The following TBXAS1 variants were observed in gnomAD, a reference collection of about 807,000 sequenced individuals.
TBXAS1 encodes the protein thromboxane-A synthase.
A neutral mutation model predicts 60.7 loss-of-function variants in TBXAS1; 48 were observed. The observed-to-expected ratio is 0.79, with a 90% CI of 0.63 to 1.01. The LOEUF (loss-of-function observed/expected upper bound fraction) is 1.01, where lower values mean the gene tolerates loss of function less well. Among genes scored for constraint, TBXAS1 ranks in the 50% least tolerant of loss-of-function variants. The pLI is 0.00. For missense variants in TBXAS1, 685 were observed against 686.3 expected, an observed-to-expected ratio of 1.00 and a Z score of 0.02; for synonymous variants, 287 against 269.7, an observed-to-expected ratio of 1.06 and a Z score of -0.63.
intron 1 of TBXAS1, among the ~76,000 whole-genome samples, chr7:139,858,910 C>T (rs989835107): frequency 6.6e-6 from 1 of 151,920 alleles, no homozygotes; most frequent in East Asian, 1.9e-4. Flanking sequence ...CTCTCGTTGC[C>T]CAGGCTGGAG....
chr7:139,904,066 T>C (rs1804784186), intron 3 of TBXAS1, among the ~76,000 whole-genome samples: 1 of 152,122 alleles, frequency 6.6e-6, no homozygotes, highest in African/African-American at 2.4e-5. Flanking sequence ...TATTATCTTC[T>C]AGAATTTTTA....
intron 9 of TBXAS1, among the ~76,000 whole-genome samples, chr7:139,997,964 G>C (rs1813408942): frequency 6.6e-6 from 1 of 152,106 alleles, no homozygotes; most frequent in Non-Finnish European, 1.5e-5. Flanking sequence ...CCCCAACCTG[G>C]GAACAACTCA....
In TBXAS1 at chr7:139,942,043, G is replaced by A. The variant is rs192708650; in HGVS notation, c.450+5736G>A. On this transcript the variant is annotated intron_variant, in intron 5 of 12. Transcript: ENST00000448866. ...TAAATCAATAGGAATAACTTTCTGA[G>A]ACTCTTGTAAGATTGCATAAGTCAG... Among the ~76,000 whole-genome samples the A allele has an allele frequency of 5.1e-4, 77 of 152,294 alleles. No individual in the cohort carries two copies. The Middle Eastern group carries it at 0.024, about 47-fold the overall frequency.
intron 2 of TBXAS1, among the ~76,000 whole-genome samples, chr7:139,781,199 T>C (rs904430284): frequency 6.6e-6 from 1 of 152,196 alleles, no homozygotes; most frequent in African/African-American, 2.4e-5. Flanking sequence ...TCGTATGATA[T>C]AACGGAAAAA....
intron 9 of TBXAS1, among the ~76,000 whole-genome samples, chr7:140,001,022 C>T (rs1417889602): frequency 6.6e-6 from 1 of 152,192 alleles, no homozygotes; most frequent in Admixed American, 6.5e-5. Context: ...TGACGACTGG[C>T]CCAAGGCCAT....
At chr7:140,005,804 T>C (rs1814033171) in intron 9 of TBXAS1, among the ~76,000 whole-genome samples, 2 of 152,222 alleles carry the variant, frequency 1.3e-5, no homozygotes, top group South Asian at 4.1e-4. Flanking sequence ...TATGTCATCA[T>C]AGATTAGCTA....
intron 1 of TBXAS1, among the ~76,000 whole-genome samples, chr7:139,863,367 AT>A (rs932720579): frequency 2.6e-5 from 4 of 151,956 alleles, no homozygotes; most frequent in African/African-American, 9.7e-5. Flanking sequence ...GTAGTCTTCT[AT>A]TTTTTTTCCA....
intron 9 of TBXAS1, among the ~76,000 whole-genome samples, chr7:139,980,435 T>A (rs1309121310): frequency 6.6e-6 from 1 of 152,140 alleles, no homozygotes; most frequent in Non-Finnish European, 1.5e-5. Flanking sequence ...TGGTTACACA[T>A]TTCCAGAAAC....
At chr7:139,978,775 C>CAAAAAAAAAAAAAAAAAAAA (rs35583867) in intron 9 of TBXAS1, among the ~76,000 whole-genome samples, 1 of 90,990 alleles carries the variant, frequency 1.1e-5, no homozygotes, top group Non-Finnish European at 2.3e-5. Flanking sequence ...CCTGCCTCTA[C>CAAAAAAAAAAAAAAAAAAAA]AAAAAAAAAA....
intron 3 of TBXAS1, among the ~76,000 whole-genome samples, chr7:139,881,463 T>TC (rs1569506946): frequency 1.3e-5 from 2 of 151,420 alleles, no homozygotes; most frequent in African/African-American, 2.4e-5. Context: ...TTTCCCCCCC[T>TC]CCAGGAGGGT....
At chr7:139,849,762 C>T (rs962939995) in intron 1 of TBXAS1, among the ~76,000 whole-genome samples, 5 of 152,186 alleles carry the variant, frequency 3.3e-5, no homozygotes, top group Non-Finnish European at 5.9e-5. Flanking sequence ...GTCTGAAGTT[C>T]AGAAGACCAG....
At chr7:139,857,191 G>A (rs1016827543) in intron 1 of TBXAS1, among the ~76,000 whole-genome samples, 1 of 152,188 alleles carries the variant, frequency 6.6e-6, no homozygotes. Context: ...CTGTCTTTGG[G>A]CTTCCGTGGG....
At chr7:139,873,558 C>G (rs73734133) in intron 2 of TBXAS1, among the ~76,000 whole-genome samples, 95 of 152,104 alleles carry the variant, frequency 6.2e-4, no homozygotes, top group African/African-American at 2.1e-3. Context: ...CAAACATAAG[C>G]CTAAGCTTTG....
At chr7:139,941,461 A>G (rs1412432954) in intron 5 of TBXAS1, among the ~76,000 whole-genome samples, 1 of 151,618 alleles carries the variant, frequency 6.6e-6, no homozygotes, top group Non-Finnish European at 1.5e-5. Context: ...ATGTCATACC[A>G]GGGATAATAT....
intron 9 of TBXAS1, among the ~76,000 whole-genome samples, chr7:139,991,283 C>G (rs918656100): frequency 6.6e-6 from 1 of 152,200 alleles, no homozygotes; most frequent in African/African-American, 2.4e-5. Flanking sequence ...TCTGATCCCT[C>G]CCATCCCTAC....
chr7:139,793,056 T>C (rs985067311), intron 4 of TBXAS1, among the ~76,000 whole-genome samples: 2 of 152,184 alleles, frequency 1.3e-5, no homozygotes, highest in East Asian at 3.8e-4. Flanking sequence ...ACTATGGGAA[T>C]GGTATAAACT....
At chr7:139,815,923 G>A (rs1798134619) in intron 4 of TBXAS1, among the ~76,000 whole-genome samples, 2 of 152,188 alleles carry the variant, frequency 1.3e-5, no homozygotes, top group Admixed American at 6.5e-5. Context: ...CACCTGTCAA[G>A]GAAAGATGGT....
chr7:139,855,932 CATTA>C (rs1359611657), intron 1 of TBXAS1, among the ~76,000 whole-genome samples: 1 of 152,162 alleles, frequency 6.6e-6, no homozygotes, highest in African/African-American at 2.4e-5. Context: ...CGCTTTGAAA[CATTA>C]ATTAAAGACA....
intron 1 of TBXAS1, among the ~76,000 whole-genome samples, chr7:139,866,566 C>A (rs1801430134): frequency 2.1e-5 from 3 of 143,386 alleles, no homozygotes; most frequent in Admixed American, 7.1e-5. Context: ...CCAGCCTGGG[C>A]AACATAGTGA....
Sources: allele counts gnomAD v4.1 joint callset (sites outside exome capture counted in the v4.1 genomes callset), GRCh38; gene constraint gnomAD v4.1.1; transcripts MANE v1.5; gene names NCBI Gene and HGNC (gene_info 2026-07-23, HGNC 2026-07-21).